Variants in CCDC57 observed in about 807,000 individuals in gnomAD.
The protein encoded by CCDC57 is coiled-coil domain-containing protein 57.
A neutral mutation model predicts 118.9 loss-of-function variants in CCDC57; 118 were observed. The ratio of observed to expected loss-of-function variants is 0.99; its 90% confidence interval spans 0.86 to 1.16. The LOEUF is 1.16. CCDC57 is among the 50% of genes most tolerant of loss of function. The probability of loss-of-function intolerance (pLI) is 0.00; values close to 1 mark genes in which losing one functional copy is unlikely to be tolerated. For missense variants in CCDC57, 1,300 were observed against 1,320.7 expected (o/e 0.98, Z 0.24); for synonymous variants, 527 against 532.9 (o/e 0.99, Z 0.15).
intron 16 of CCDC57, among the ~76,000 whole-genome samples, chr17:82,137,703 C>T (rs1451327069): frequency 1.4e-5 from 2 of 145,202 alleles, no homozygotes; most frequent in African/African-American, 5.1e-5. Flanking sequence ...GAGATGGAGT[C>T]TCGCTGTGTC....
At chr17:82,115,237 G>A (rs896539694) in intron 19 of CCDC57, among the ~76,000 whole-genome samples, 2 of 150,596 alleles carry the variant, frequency 1.3e-5, no homozygotes, top group African/African-American at 4.9e-5. Flanking sequence ...GATCTCCAGC[G>A]GAGGCTCCAC....
At chr17:82,109,895 T>C (rs917621910) in intron 19 of CCDC57, among the ~76,000 whole-genome samples, 1 of 147,220 alleles carries the variant, frequency 6.8e-6, no homozygotes, top group South Asian at 2.1e-4. Flanking sequence ...GATCCAACAA[T>C]AAAAGATCCA....
intron 16 of CCDC57, among the ~76,000 whole-genome samples, chr17:82,138,713 C>A (rs1264108399): frequency 3.3e-5 from 5 of 150,944 alleles, no homozygotes; most frequent in Non-Finnish European, 1.5e-5. Context: ...GCGTGGCCTG[C>A]CCCGGGCTGT....
intron 11 of CCDC57, among the ~76,000 whole-genome samples, chr17:82,173,506 A>G (rs4789732): frequency 0.47 from 70,896 of 151,960 alleles, 17,343 homozygotes; most frequent in East Asian, 0.88. Flanking sequence ...AGATGAACGC[A>G]AAGACAGGAG....
intron 9 of CCDC57, 119 bp from the exon 9 acceptor site, chr17:82,179,308 C>T (rs1426801601): frequency 1.6e-5 from 18 of 1,118,576 alleles, no homozygotes; most frequent in South Asian, 9.6e-5. Flanking sequence ...GCATGGCCTG[C>T]GCTGGGCTGA....
intron 1 of CCDC57, among the ~76,000 whole-genome samples, chr17:82,210,700 A>T (rs2050115274): frequency 1.5e-5 from 2 of 134,678 alleles, no homozygotes; most frequent in Admixed American, 7.4e-5. Context: ...AAAATTAATT[A>T]AAAAAAAAAA....
intron 1 of CCDC57, among the ~76,000 whole-genome samples, chr17:82,211,795 G>C (rs1297000458): frequency 6.6e-6 from 1 of 152,058 alleles, no homozygotes; most frequent in Non-Finnish European, 1.5e-5. Context: ...CCAGGAATGC[G>C]CTTACTGATA....
chr17:82,156,849 C>G (rs1489427955), intron 15 of CCDC57: 1 of 152,688 alleles, frequency 6.5e-6, no homozygotes, highest in Non-Finnish European at 1.5e-5. Flanking sequence ...CCGCATCTTC[C>G]TCAGTCCACT....
chr17:82,210,681 C>CA (rs1167245274), intron 1 of CCDC57, among the ~76,000 whole-genome samples: 132 of 123,132 alleles, frequency 1.1e-3, no homozygotes, highest in African/African-American at 2.8e-3. Flanking sequence ...GACTCAGTCT[C>CA]AAAAAAATAA....
chr17:82,170,039 G>A (rs2044487418), intron 13 of CCDC57, among the ~76,000 whole-genome samples: 1 of 152,188 alleles, frequency 6.6e-6, no homozygotes, highest in Non-Finnish European at 1.5e-5. Flanking sequence ...GACATGGCCT[G>A]GAGCTCCAAA....
rs1419786550 is a variant in CCDC57 at position 82,172,589 on chromosome 17, CCCTCTCCCCCTT to C, written c.1729+37_1729+48del. 6.7e-6 allele frequency: 10 copies of C among 1,492,910 alleles called. No homozygotes were observed. In the Admixed American group the frequency reaches 1.6e-4, roughly 23 times the overall value. The allele number at this position is 1,492,910 out of a possible 1,614,324, so 92.5% of individuals were successfully genotyped here. On this transcript the variant is annotated intron_variant, in intron 12 of 19. Transcript: ENST00000665763. The surrounding 1 kb of genome is among the most constrained non-coding windows in gnomAD (Gnocchi z 5.2). ...CATGCTCCCGTCTGTCCTCCTCCCT[CCCTCTCCCCCTT>C]CCTCTCCCGCTCTGTCCGTTTCTCC... is the stretch of plus-strand genomic sequence containing the variant.
chr17:82,182,810 G>T (rs942687905), intron 9 of CCDC57, among the ~76,000 whole-genome samples: 4 of 151,588 alleles, frequency 2.6e-5, no homozygotes, highest in South Asian at 4.2e-4. Context: ...CTCAGCCTCT[G>T]GAGTATCTGG....
At chr17:82,191,218 G>T (rs1231761579) in intron 7 of CCDC57, among the ~76,000 whole-genome samples, 2 of 152,034 alleles carry the variant, frequency 1.3e-5, no homozygotes, top group African/African-American at 4.8e-5. Flanking sequence ...AGGAATGAAC[G>T]GGAGACAACT....
chr17:82,193,896 G>C (rs2047977058), intron 6 of CCDC57, 66 bp from the exon 6 acceptor site: 2 of 1,568,030 alleles, frequency 1.3e-6, no homozygotes, highest in African/African-American at 2.7e-5. Context: ...CCTGGAATGA[G>C]CAGAAAAGGT....
intron 13 of CCDC57, among the ~76,000 whole-genome samples, chr17:82,167,080 C>T (rs1302028367): frequency 6.6e-6 from 1 of 152,112 alleles, no homozygotes; most frequent in Admixed American, 6.6e-5. Context: ...AAGAAACTGT[C>T]CAATTTGAAC....
At chr17:82,178,432 G>A in intron 11 of CCDC57, 42 bp downstream of exon 10, 1 of 1,556,238 alleles carries the variant, frequency 6.4e-7, no homozygotes. Context: ...TCCCACCGCT[G>A]CTGTTGAGCA....
exon 3 of CCDC57, chr17:82,201,935 G>A (rs1388289231): frequency 2.5e-6 from 4 of 1,593,272 alleles, no homozygotes; most frequent in East Asian, 2.3e-5. Context: ...TCTGAGCCCA[G>A]TGGCAGCATG....
intron 9 of CCDC57, among the ~76,000 whole-genome samples, chr17:82,180,830 A>G (rs4239015): frequency 0.72 from 109,769 of 152,130 alleles, 40,135 homozygotes; most frequent in East Asian, 0.95. Flanking sequence ...TCTTTAACAC[A>G]ACACAGCAGC....
Position 82,133,938 on chromosome 17 carries a change from T to C in CCDC57, c.2577+135A>G, listed in dbSNP as rs978653116. 25 of 871,620 alleles carry C rather than the reference T, an allele frequency of 2.9e-5. No homozygotes were observed. The African/African-American group carries it at 4.4e-4, about 15-fold the overall frequency. 54.0% of individuals were successfully genotyped at this position (871,620 alleles called of 1,614,324 possible). The stretch of plus-strand genomic sequence containing the variant: ...AGCAGAAAACACATTGAAATGTTAC[T>C]AATAACTATATCTGGATCCTGAAAA... On this transcript the variant is annotated intron_variant, in intron 17 of 19. Transcript: ENST00000665763.
Sources: gnomAD v4.1 joint callset for allele counts (sites outside exome capture counted in the v4.1 genomes callset) on GRCh38, gnomAD v4.1.1 for gene constraint, Gnocchi (gnomAD v3.1) non-coding constraint, MANE v1.5 for transcripts, NCBI Gene and HGNC (gene_info 2026-07-23, HGNC 2026-07-21) for gene names.